The following CDKAL1 variants were observed in gnomAD, a reference collection of about 807,000 sequenced individuals.
CDKAL1 encodes CDKAL1 threonylcarbamoyladenosine tRNA methylthiotransferase.
In CDKAL1, 32 loss-of-function variants were observed where a neutral mutation model predicts 68.2. The ratio of observed to expected loss-of-function variants is 0.47; its 90% confidence interval spans 0.35 to 0.63. CDKAL1 has a LOEUF of 0.63. Ranked by LOEUF, CDKAL1 falls within the 30% of genes least tolerant of loss-of-function variation. The pLI is 0.00. For missense variants in CDKAL1, 606 were observed against 696.7 expected (o/e 0.87, Z 1.47); for synonymous variants, 234 against 244.3 (o/e 0.96, Z 0.39).
chr6:20,799,226 A>G (rs1245304429), intron 8 of CDKAL1, among the ~76,000 whole-genome samples: 3 of 151,574 alleles, frequency 2.0e-5, no homozygotes, highest in Non-Finnish European at 2.9e-5. Context: ...CTAATTTTGT[A>G]TTTTTAGTAG....
chr6:20,625,413 T>C (rs1416545992), intron 4 of CDKAL1, among the ~76,000 whole-genome samples: 1 of 152,112 alleles, frequency 6.6e-6, no homozygotes, highest in Non-Finnish European at 1.5e-5. Flanking sequence ...ATTTCAATGG[T>C]GTGTGTTAGT....
chr6:20,979,188 G>A (rs755413788), intron 10 of CDKAL1, among the ~76,000 whole-genome samples: 34 of 152,272 alleles, frequency 2.2e-4, no homozygotes, highest in Non-Finnish European at 3.2e-4. Context: ...GAAAAATTGT[G>A]TGTCTGTGTA....
intron 4 of CDKAL1, among the ~76,000 whole-genome samples, chr6:20,550,005 G>C (rs1179812316): frequency 6.6e-6 from 1 of 150,832 alleles, no homozygotes; most frequent in Non-Finnish European, 1.5e-5. Flanking sequence ...TTTAGACAGA[G>C]TCTCGCTTTG....
chr6:20,875,321 A>G, intron 9 of CDKAL1, among the ~76,000 whole-genome samples: 1 of 148,926 alleles, frequency 6.7e-6, no homozygotes, highest in East Asian at 1.9e-4. Context: ...AAAAAAAAAA[A>G]AAAAAAAAAA....
At chr6:20,616,508 G>A (rs1285788403) in intron 4 of CDKAL1, among the ~76,000 whole-genome samples, 4 of 143,320 alleles carry the variant, frequency 2.8e-5, no homozygotes, top group African/African-American at 1.0e-4. Flanking sequence ...TCCCTTGTAA[G>A]TTGGATTCCT....
intron 13 of CDKAL1, among the ~76,000 whole-genome samples, chr6:21,125,870 A>C (rs1233651256): frequency 1.3e-5 from 2 of 152,106 alleles, no homozygotes; most frequent in African/African-American, 2.4e-5. Context: ...GCGCTCCCAC[A>C]ATCTCTGTGC....
intron 13 of CDKAL1, among the ~76,000 whole-genome samples, chr6:21,121,268 A>G (rs1215293126): frequency 1.3e-5 from 2 of 152,202 alleles, no homozygotes; most frequent in Non-Finnish European, 2.9e-5. Flanking sequence ...TAAACTTTTA[A>G]AATCCACGTT....
intron 8 of CDKAL1, among the ~76,000 whole-genome samples, chr6:20,809,046 A>G (rs1456961365): frequency 6.6e-6 from 1 of 152,228 alleles, no homozygotes; most frequent in Non-Finnish European, 1.5e-5. Flanking sequence ...CTCTATTAAT[A>G]TTGCTTGCAG....
intron 9 of CDKAL1, among the ~76,000 whole-genome samples, chr6:20,934,458 A>C (rs1032725164): frequency 2.0e-5 from 3 of 152,142 alleles, no homozygotes; most frequent in East Asian, 1.9e-4. Context: ...TCTGCAGATT[A>C]TCATCATTTG....
chr6:20,855,515 A>G (rs997568275), intron 9 of CDKAL1, among the ~76,000 whole-genome samples: 7 of 145,346 alleles, frequency 4.8e-5, no homozygotes, highest in African/African-American at 1.5e-4. Flanking sequence ...CCCTGAAGGG[A>G]TTTATTGGGT....
intron 15 of CDKAL1, among the ~76,000 whole-genome samples, chr6:21,205,157 T>C (rs10456242): frequency 0.28 from 42,268 of 152,112 alleles, 6,676 homozygotes; most frequent in African/African-American, 0.43. Flanking sequence ...CTAAATACTA[T>C]TCCATTGGAT....
At chr6:20,806,551 C>T (rs1042211760) in intron 8 of CDKAL1, among the ~76,000 whole-genome samples, 1 of 152,156 alleles carries the variant, frequency 6.6e-6, no homozygotes, top group African/African-American at 2.4e-5. Flanking sequence ...AATCGCCAAA[C>T]TGCTTTCCAC....
chr6:20,744,092 T>C (rs1182458926), intron 6 of CDKAL1, among the ~76,000 whole-genome samples: 1 of 152,202 alleles, frequency 6.6e-6, no homozygotes, highest in East Asian at 1.9e-4. Context: ...TTATAGTTAA[T>C]CATCTACCTT....
chr6:21,010,278 G>A (rs139008106), intron 11 of CDKAL1, among the ~76,000 whole-genome samples: 4 of 152,132 alleles, frequency 2.6e-5, no homozygotes, highest in South Asian at 4.1e-4. Context: ...GTATGTGTAC[G>A]TGTTTTAAAA....
At chr6:20,854,080 TG>T in intron 9 of CDKAL1, among the ~76,000 whole-genome samples, 1 of 152,326 alleles carries the variant, frequency 6.6e-6, no homozygotes, top group African/African-American at 2.4e-5. Flanking sequence ...GGAATTACGA[TG>T]AAAACCACAT....
intron 9 of CDKAL1, among the ~76,000 whole-genome samples, chr6:20,852,191 T>C (rs538827590): frequency 1.3e-5 from 2 of 152,192 alleles, no homozygotes; most frequent in Non-Finnish European, 2.9e-5. Flanking sequence ...TGTAAAATGC[T>C]GTATTGTGTT....
chr6:21,063,052 T>C (rs1771232180), intron 11 of CDKAL1, among the ~76,000 whole-genome samples: 1 of 152,098 alleles, frequency 6.6e-6, no homozygotes, highest in Admixed American at 6.5e-5. Context: ...AGAGCTGGGA[T>C]TACAGGCACC....
chr6:20,630,160 C>T (rs949214718), intron 4 of CDKAL1, among the ~76,000 whole-genome samples: 1 of 152,136 alleles, frequency 6.6e-6, no homozygotes, highest in Non-Finnish European at 1.5e-5. Context: ...TGAGCCACCA[C>T]GCCACGTCCC....
intron 4 of CDKAL1, among the ~76,000 whole-genome samples, chr6:20,557,053 ATAAATAAAT>A (rs1181617258): frequency 8.1e-4 from 66 of 81,242 alleles, no homozygotes; most frequent in East Asian, 2.6e-3. Context: ...AAAAAAAAAA[ATAAATAAAT>A]AAATAAATAA....
Sources: allele counts gnomAD v4.1 joint callset (sites outside exome capture counted in the v4.1 genomes callset), GRCh38; gene constraint gnomAD v4.1.1; transcripts MANE v1.5; gene names NCBI Gene and HGNC (gene_info 2026-07-23, HGNC 2026-07-21).